FRMD4B: variants seen among roughly 807,000 people sequenced by gnomAD.
The protein encoded by FRMD4B is FERM domain-containing protein 4B.
Under a neutral mutation model 141.5 loss-of-function variants are expected in FRMD4B, and 74 were observed. The ratio of observed to expected loss-of-function variants is 0.52; its 90% CI spans 0.43 to 0.63. The LOEUF is 0.63. FRMD4B is among the 30% of genes least tolerant of loss of function. The pLI is 0.00. For synonymous variants in FRMD4B, 506 were observed against 467.9 expected (o/e 1.08, Z -1.05); for missense variants, 1,366 against 1,253.4 (o/e 1.09, Z -1.36).
chr3:69,418,341 G>A (rs1376444286), intron 2 of FRMD4B, among the ~76,000 whole-genome samples: 2 of 152,106 alleles, frequency 1.3e-5, no homozygotes, highest in Non-Finnish European at 2.9e-5. Context: ...TGGTATAGTA[G>A]GCAGAAATCT....
chr3:69,428,698 CAAA>C (rs944794046), intron 2 of FRMD4B, among the ~76,000 whole-genome samples: 1 of 151,978 alleles, frequency 6.6e-6, no homozygotes, highest in Non-Finnish European at 1.5e-5. Flanking sequence ...GTAGATAAAA[CAAA>C]AATTCATCAT....
At chr3:69,381,134 C>T (rs529578205) in intron 1 of FRMD4B, among the ~76,000 whole-genome samples, 5 of 152,302 alleles carry the variant, frequency 3.3e-5, no homozygotes, top group African/African-American at 1.2e-4. Context: ...AAGGCAGCCT[C>T]AATGCAGCCT....
intron 5 of FRMD4B, among the ~76,000 whole-genome samples, chr3:69,269,170 C>T (rs189855924): frequency 6.6e-5 from 10 of 151,774 alleles, no homozygotes; most frequent in Non-Finnish European, 1.5e-4. Flanking sequence ...CTCAGGTGAC[C>T]CACCTGCCTC....
chr3:69,216,049 G>C (rs1341710198), intron 11 of FRMD4B, among the ~76,000 whole-genome samples: 2 of 152,040 alleles, frequency 1.3e-5, no homozygotes, highest in Non-Finnish European at 2.9e-5. Flanking sequence ...AGCTACTTGG[G>C]AGGCTGAGGC....
intron 16 of FRMD4B, 98 bp downstream of exon 16, chr3:69,194,924 T>C: frequency 2.7e-6 from 3 of 1,094,286 alleles, no homozygotes; most frequent in Non-Finnish European, 4.0e-6. Flanking sequence ...TGAGATAACA[T>C]ACAGCAGAGA....
At chr3:69,209,625 T>C (rs1469810682) in intron 11 of FRMD4B, among the ~76,000 whole-genome samples, 2 of 152,214 alleles carry the variant, frequency 1.3e-5, no homozygotes, top group Non-Finnish European at 2.9e-5. Context: ...TTCAAATCCA[T>C]GCTGTAGGAT....
chr3:69,408,639 C>T (rs1490639113), intron 2 of FRMD4B, among the ~76,000 whole-genome samples: 3 of 152,096 alleles, frequency 2.0e-5, no homozygotes, highest in Non-Finnish European at 2.9e-5. Context: ...GTTGCACTGC[C>T]TGGGCAGGCA....
intron 7 of FRMD4B, among the ~76,000 whole-genome samples, chr3:69,232,439 A>G (rs138432500): frequency 4.1e-3 from 621 of 152,300 alleles, no homozygotes; most frequent in Non-Finnish European, 6.9e-3. Flanking sequence ...ATAACTTTCC[A>G]GAAGGAAGCT....
chr3:69,467,042 C>T (rs1001497), intron 1 of FRMD4B, among the ~76,000 whole-genome samples: 90,934 of 151,900 alleles, frequency 0.6, 28,397 homozygotes, highest in African/African-American at 0.78. Flanking sequence ...AGAATCCCCG[C>T]CTTCTAGGCA....
In FRMD4B at chr3:69,302,337, A is replaced by C; in HGVS notation, c.416+6T>G. On this transcript the variant is annotated splice_donor_region_variant and intron_variant, in intron 4 of 22. Transcript: ENST00000398540. Reference sequence around the variant, plus strand: ...AGGGATGCTAACTGGGTCTGTGGATACATACCTCACAGCAAAGTGCAAAAT... The same window carrying C: ...AGGGATGCTAACTGGGTCTGTGGATCCATACCTCACAGCAAAGTGCAAAAT... 1 of 1,521,710 alleles carries C rather than the reference A, an allele frequency of 6.6e-7. No individual in the cohort carries two copies. 94.3% of individuals were successfully genotyped at this position (1,521,710 alleles called of 1,614,324 possible).
At chr3:69,310,508 G>C (rs1436103151) in intron 3 of FRMD4B, 1 of 451,426 alleles carries the variant, frequency 2.2e-6, no homozygotes, top group Admixed American at 2.4e-5. Flanking sequence ...TAAAATGTAG[G>C]CAAATTGGGC....
At chr3:69,455,695 G>A (rs1175601500) in intron 1 of FRMD4B, among the ~76,000 whole-genome samples, 5 of 152,224 alleles carry the variant, frequency 3.3e-5, no homozygotes, top group African/African-American at 7.2e-5. Flanking sequence ...GGCACAAGGT[G>A]ACCCCAAGTG....
intron 1 of FRMD4B, chr3:69,336,469 A>T (rs1271265340): frequency 1.3e-5 from 2 of 152,242 alleles, no homozygotes; most frequent in Non-Finnish European, 2.9e-5. Flanking sequence ...TGGAGAAGAT[A>T]ATCTGGGGCT....
Position 69,175,343 on chromosome 3 carries a change from T to C in FRMD4B, c.2984+1181A>G, listed in dbSNP as rs999927049. On this transcript the variant is annotated intron_variant, in intron 22 of 22. Transcript: ENST00000398540. Reference sequence around the variant, plus strand: ...AAGGGAGACACGACCTCTTCAAACTTAATTCCTGTGCATAACAAGAATTTT... The same window carrying C: ...AAGGGAGACACGACCTCTTCAAACTCAATTCCTGTGCATAACAAGAATTTT... Among the ~76,000 whole-genome samples the C allele has an allele frequency of 3.3e-5, 5 of 152,342 alleles. No individual in the cohort carries two copies. The South Asian group carries it at 8.3e-4, about 25-fold the overall frequency.
chr3:69,196,735 C>T, intron 13 of FRMD4B, 165 bp downstream of exon 13: 5 of 609,468 alleles, frequency 8.2e-6, no homozygotes, highest in Non-Finnish European at 1.4e-5. Context: ...TTATATATTG[C>T]CCATCATGTA....
intron 4 of FRMD4B, among the ~76,000 whole-genome samples, chr3:69,295,491 A>T (rs4558759): frequency 0.75 from 113,699 of 151,986 alleles, 42,677 homozygotes; most frequent in East Asian, 0.86. Context: ...AAGGCTAATT[A>T]TTGTATTTTT....
At chr3:69,182,763 C>T (rs1248525703) in intron 19 of FRMD4B, 46 bp from the exon 20 acceptor site, 1 of 1,590,950 alleles carries the variant, frequency 6.3e-7, no homozygotes, top group East Asian at 2.2e-5. Context: ...AGTCTCTCAA[C>T]ATCTCTGGCA....
In FRMD4B at chr3:69,336,952, AAAAC is replaced by A. The variant is rs541163781; in HGVS notation, c.163-23439_163-23436del. Among the ~76,000 whole-genome samples the A allele has an allele frequency of 2.8e-3, 423 of 152,296 alleles. 1 individual carries two copies. The highest frequency in any genetic ancestry group is 9.6e-3 in the African/African-American group (400 of 41,566). ...GAGTGAGACTCTGTCTCAAAAAACA[AAAAC>A]AAACAAACACAGTGGCAAAGACATG... On this transcript the variant is annotated intron_variant, in intron 1 of 22. Coordinates refer to ENST00000398540, the MANE Select transcript of FRMD4B (RefSeq NM_015123.3).
chr3:69,516,373 A>G (rs1700755552), intron 1 of FRMD4B, among the ~76,000 whole-genome samples: 1 of 152,204 alleles, frequency 6.6e-6, no homozygotes, highest in African/African-American at 2.4e-5. Flanking sequence ...CAATGTAATA[A>G]TAAGAATCCT....
Sources: allele counts gnomAD v4.1 joint callset (sites outside exome capture counted in the v4.1 genomes callset), GRCh38; gene constraint gnomAD v4.1.1; transcripts MANE v1.5; gene names NCBI Gene and HGNC (gene_info 2026-07-23, HGNC 2026-07-21).